The following SHROOM3 variants were observed in gnomAD, a reference collection of about 807,000 sequenced individuals.
SHROOM3 encodes the protein protein Shroom3.
A neutral mutation model predicts 138.6 loss-of-function variants in SHROOM3; 47 were observed. The observed-to-expected ratio is 0.34, with a 90% confidence interval of 0.27 to 0.43. The LOEUF (loss-of-function observed/expected upper bound fraction) is 0.43. SHROOM3 is among the 20% of genes least tolerant of loss of function. The pLI is 1.00. For missense variants in SHROOM3, 2,491 were observed against 2,596.5 expected (o/e 0.96, Z 0.88); for synonymous variants, 1,062 against 1,063.3 (o/e 1.00, Z 0.02).
At chr4:76,629,303 A>G (rs1382946812) in intron 2 of SHROOM3, among the ~76,000 whole-genome samples, 1 of 152,196 alleles carries the variant, frequency 6.6e-6, no homozygotes, top group East Asian at 1.9e-4. Flanking sequence ...AAAAAGAGCA[A>G]GAAGGCCACT....
chr4:76,491,671 A>AGTCAGG (rs1731852884), intron 1 of SHROOM3, among the ~76,000 whole-genome samples: 2 of 152,184 alleles, frequency 1.3e-5, no homozygotes, highest in Non-Finnish European at 2.9e-5. Context: ...GCTGACTCAG[A>AGTCAGG]GCCCTGACAC....
Position 76,739,730 on chromosome 4 carries a change from C to T in SHROOM3, c.1557C>T (p.Asn519=). 6.2e-7 allele frequency: 1 copy of T among 1,614,206 alleles called. No individual in the cohort carries two copies. Among genetic ancestry groups the T allele is most frequent in the Non-Finnish European group, 8.5e-7 (1 of 1,180,044 alleles). ...NKMATIDENG[N]QNGSGRPGFA... Reference sequence around the variant, plus strand: ...TGGCTACCATTGATGAGAATGGGAACCAGAATGGATCTGGCAGGCCTGGGT... The same window carrying T: ...TGGCTACCATTGATGAGAATGGGAATCAGAATGGATCTGGCAGGCCTGGGT... The change falls in exon 5 of 11, where the codon AAC becomes AAT. Residue 519 remains asparagine, a synonymous_variant. Coordinates refer to ENST00000296043, the MANE Select transcript of SHROOM3 (RefSeq NM_020859.4).
intron 2 of SHROOM3, among the ~76,000 whole-genome samples, chr4:76,597,291 A>T: frequency 6.6e-6 from 1 of 152,202 alleles, no homozygotes; most frequent in Non-Finnish European, 1.5e-5. Flanking sequence ...GTGGGAAATT[A>T]GTAAAGGATT....
chr4:76,545,451 C>T (rs1260379484), intron 1 of SHROOM3, among the ~76,000 whole-genome samples: 4 of 152,186 alleles, frequency 2.6e-5, no homozygotes. Flanking sequence ...ACTTCCTGCT[C>T]TGGGACCTCT....
chr4:76,655,913 G>A (rs1208407666), intron 2 of SHROOM3, among the ~76,000 whole-genome samples: 1 of 152,160 alleles, frequency 6.6e-6, no homozygotes, highest in East Asian at 1.9e-4. Context: ...CAGTTACATA[G>A]CTGCTTACAT....
intron 2 of SHROOM3, among the ~76,000 whole-genome samples, chr4:76,661,991 CAT>C (rs1374977457): frequency 6.6e-6 from 1 of 152,178 alleles, no homozygotes; most frequent in Non-Finnish European, 1.5e-5. Context: ...ACCTTCCCAA[CAT>C]GTGGTACTGG....
At position 76,504,410 on chromosome 4, in the gene SHROOM3, C is replaced by A. The variant is rs374270957; in HGVS notation, c.169-51199C>A. On this transcript the variant is annotated intron_variant, in intron 1 of 10. Transcript: ENST00000296043. ...CTGACCTCAGGTGATCCACCTGCCTCGGCCTCCCAAAGTGCTGGAATTACA... is the reference window on the plus strand; with the variant it reads ...CTGACCTCAGGTGATCCACCTGCCTAGGCCTCCCAAAGTGCTGGAATTACA... Among the ~76,000 whole-genome samples the A allele has an allele frequency of 6.6e-5, 10 of 152,310 alleles. No individual in the cohort carries two copies. In the South Asian group the frequency reaches 1.9e-3, roughly 28 times the overall value.
Position 76,759,573 on chromosome 4 carries a change from T to A in SHROOM3, c.5227T>A (p.Leu1743Met). ...RNEDKEAVSM[L>M]VNCPAYYSVS... ...TGAAGACAAGGAAGCAGTGAGCATG[T>A]TGGTTAACTGCCCTGCCTACTACAG... Residue 1743 changes from leucine to methionine, a missense_variant, in exon 9 of 11, where the codon TTG (leucine) becomes ATG (methionine). By Grantham distance (15) the Leu-to-Met change is conservative. This residue lies in a region of SHROOM3 where 470 missense variants were observed against 595.0 expected (regional missense o/e 0.79). Coordinates refer to ENST00000296043, the MANE Select transcript of SHROOM3 (RefSeq NM_020859.4). The A allele has an allele frequency of 6.2e-7, 1 of 1,614,134 alleles. No homozygotes were observed. Among genetic ancestry groups the A allele is most frequent in the Non-Finnish European group, 8.5e-7 (1 of 1,179,992 alleles).
intron 1 of SHROOM3, among the ~76,000 whole-genome samples, chr4:76,490,348 C>G (rs2137154): frequency 0.43 from 66,028 of 152,008 alleles, 15,292 homozygotes; most frequent in Non-Finnish European, 0.52. Context: ...TTGTGGACAG[C>G]CAGTTTCCCA....
intron 1 of SHROOM3, among the ~76,000 whole-genome samples, chr4:76,485,992 G>A (rs1731721543): frequency 6.6e-6 from 1 of 151,950 alleles, no homozygotes; most frequent in African/African-American, 2.4e-5. Context: ...AAACACAAGT[G>A]GAATTTTTAT....
chr4:76,459,008 G>C (rs542454392), intron 1 of SHROOM3, among the ~76,000 whole-genome samples: 5 of 152,164 alleles, frequency 3.3e-5, no homozygotes, highest in South Asian at 2.1e-4. Flanking sequence ...ACAGCAGCAG[G>C]GGGGCGGGGA....
chr4:76,725,597 A>G (rs923319426), intron 3 of SHROOM3, among the ~76,000 whole-genome samples: 1 of 152,186 alleles, frequency 6.6e-6, no homozygotes, highest in Non-Finnish European at 1.5e-5. Context: ...CATGTACCAC[A>G]TCCCTGGAGC....
chr4:76,752,953 G>A (rs529689540), intron 6 of SHROOM3, among the ~76,000 whole-genome samples: 1 of 152,310 alleles, frequency 6.6e-6, no homozygotes, highest in South Asian at 2.1e-4. Context: ...AGGATGCTGG[G>A]TTTAAAAACA....
intron 6 of SHROOM3, 46 bp from the exon 7 acceptor site, chr4:76,754,265 C>T: frequency 1.2e-6 from 2 of 1,612,826 alleles, no homozygotes; most frequent in Non-Finnish European, 1.7e-6. Context: ...TGCATGTTTG[C>T]CCCTTTCTTC....
At chr4:76,464,403 CT>C (rs1731207603) in intron 1 of SHROOM3, among the ~76,000 whole-genome samples, 1 of 151,904 alleles carries the variant, frequency 6.6e-6, no homozygotes, top group African/African-American at 2.4e-5. Flanking sequence ...TTGGAAGTAA[CT>C]AATTTTTTTT....
rs1721923326 is a variant in SHROOM3 at position 76,759,413 on chromosome 4, C to A, written c.5199-132C>A. On this transcript the variant is annotated intron_variant, in intron 8 of 10. Transcript: ENST00000296043. Reference sequence around the variant, plus strand: ...GTAATCACTCATTAGTTAACAGTTACTAGTTTATCCTAATTTCTGGGAAAG... The same window carrying A: ...GTAATCACTCATTAGTTAACAGTTAATAGTTTATCCTAATTTCTGGGAAAG... 4 of 1,210,190 alleles carry A rather than the reference C, an allele frequency of 3.3e-6. No individual in the cohort carries two copies. The Admixed American group carries it at 7.7e-5, about 23-fold the overall frequency. The allele number at this position is 1,210,190 out of a possible 1,614,324, so 75.0% of individuals were successfully genotyped here. A position where few individuals can be genotyped will look rare whatever the true frequency, so the allele number is the denominator to read the frequency against.
chr4:76,738,083 C>G (rs944067677), intron 4 of SHROOM3, among the ~76,000 whole-genome samples: 3 of 151,992 alleles, frequency 2.0e-5, no homozygotes, highest in Non-Finnish European at 4.4e-5. Flanking sequence ...ACCGAAGAGC[C>G]CCTGTGATTA....
At position 76,547,822 on chromosome 4, in the gene SHROOM3, C is replaced by T. The variant is rs1376560411; in HGVS notation, c.169-7787C>T. Among the ~76,000 whole-genome samples the T allele has an allele frequency of 2.0e-5, 3 of 151,894 alleles. 1 individual carries two copies. The highest frequency in any genetic ancestry group is 4.2e-4 in the South Asian group (2 of 4,782). ...GCGTGCGCCTATAGTCCCAGCTACT[C>T]GAGACACTGAGGCAGGAGAATCACT... On this transcript the variant is annotated intron_variant, in intron 1 of 10. Coordinates refer to ENST00000296043, the MANE Select transcript of SHROOM3 (RefSeq NM_020859.4).
At chr4:76,721,328 T>C (rs1720547910) in intron 3 of SHROOM3, among the ~76,000 whole-genome samples, 1 of 152,074 alleles carries the variant, frequency 6.6e-6, no homozygotes, top group Non-Finnish European at 1.5e-5. Context: ...AAAAAAGAAT[T>C]TCTGCAGACA....
Sources: allele counts gnomAD v4.1 joint callset (sites outside exome capture counted in the v4.1 genomes callset), GRCh38; gene constraint gnomAD v4.1.1; regional missense constraint gnomAD v4.1.1; transcripts MANE v1.5; gene names NCBI Gene and HGNC (gene_info 2026-07-23, HGNC 2026-07-21).